PDZD2: variants seen among roughly 807,000 people sequenced by gnomAD.
The protein encoded by PDZD2 is PDZ domain-containing protein 2.
A neutral mutation model predicts 220.7 loss-of-function variants in PDZD2; 90 were observed. That is an observed-to-expected ratio of 0.41 (90% CI 0.34 to 0.49). PDZD2 has a LOEUF of 0.49. Among genes scored for constraint, PDZD2 ranks in the 20% least tolerant of loss-of-function variants. The pLI, the probability that PDZD2 is intolerant of heterozygous loss-of-function variation, is 0.28. For synonymous variants in PDZD2, 1,375 were observed against 1,450.5 expected (o/e 0.95, Z 1.18); for missense variants, 3,174 against 3,608.5 (o/e 0.88, Z 3.08).
chr5:31,912,719 C>T (rs1425735514), intron 2 of PDZD2, among the ~76,000 whole-genome samples: 2 of 152,322 alleles, frequency 1.3e-5, no homozygotes, highest in South Asian at 2.1e-4. Context: ...AGGAAACCCA[C>T]TCCATGGAGG....
intron 2 of PDZD2, among the ~76,000 whole-genome samples, chr5:31,975,526 G>A (rs1749672011): frequency 1.3e-5 from 2 of 152,198 alleles, no homozygotes. Context: ...CCAGATAAGG[G>A]AGAGGAGGGA....
chr5:32,097,921 TG>T (rs567005620), intron 22 of PDZD2, among the ~76,000 whole-genome samples: 2 of 152,288 alleles, frequency 1.3e-5, no homozygotes, highest in Admixed American at 1.3e-4. Context: ...ACTGAATGTA[TG>T]TTTTTTTTTA....
At chr5:31,936,571 A>G (rs1206211748) in intron 2 of PDZD2, among the ~76,000 whole-genome samples, 1 of 152,146 alleles carries the variant, frequency 6.6e-6, no homozygotes, top group East Asian at 1.9e-4. Flanking sequence ...TGCTTTAAAA[A>G]AAAAAAAAGA....
At chr5:31,709,351 G>T (rs1398636643) in intron 1 of PDZD2, among the ~76,000 whole-genome samples, 1 of 151,994 alleles carries the variant, frequency 6.6e-6, no homozygotes, top group Non-Finnish European at 1.5e-5. Context: ...AGCTGGGCAT[G>T]GTGGTGCATG....
At chr5:32,093,099 A>G in intron 21 of PDZD2, 75 bp downstream of exon 21, 1 of 795,360 alleles carries the variant, frequency 1.3e-6, no homozygotes, top group Non-Finnish European at 2.2e-6. Flanking sequence ...GCCTGCCCAG[A>G]CAGCCGAGGA....
At chr5:32,104,565 AAT>A (rs1276598614) in intron 24 of PDZD2, among the ~76,000 whole-genome samples, 2 of 151,248 alleles carry the variant, frequency 1.3e-5, no homozygotes, top group Non-Finnish European at 2.9e-5. Flanking sequence ...CTCTACTAAA[AAT>A]ATGTTAGCTG....
At chr5:31,712,748 G>A (rs983845606) in intron 1 of PDZD2, among the ~76,000 whole-genome samples, 2 of 152,202 alleles carry the variant, frequency 1.3e-5, no homozygotes, top group African/African-American at 2.4e-5. Context: ...GGGAAGTGAC[G>A]TGTGCACAGA....
Position 32,024,698 on chromosome 5 carries a change from GAAA to G in PDZD2, c.1408-12527_1408-12525del, listed in dbSNP as rs5867124. ...ACTTCATCTCAAAAAAAAAAAGAAA[GAAA>G]AAAAAGAAAAGGAAAGAAAGAAACG... On this transcript the variant is annotated intron_variant, in intron 6 of 24. Coordinates refer to ENST00000438447, the MANE Select transcript of PDZD2 (RefSeq NM_178140.4). Among the ~76,000 whole-genome samples the G allele has an allele frequency of 2.1e-5, 3 of 141,302 alleles. 1 individual carries two copies. Among genetic ancestry groups the G allele is most frequent in the Non-Finnish European group, 4.6e-5 (3 of 65,214 alleles). 92.7% of individuals were successfully genotyped at this position (141,302 alleles called of 152,430 possible). A position where few individuals can be genotyped will look rare whatever the true frequency, so the allele number is the denominator to read the frequency against.
At chr5:32,086,123 C>T (rs1742426349) in intron 19 of PDZD2, among the ~76,000 whole-genome samples, 1 of 152,182 alleles carries the variant, frequency 6.6e-6, no homozygotes, top group African/African-American at 2.4e-5. Context: ...CGGTGTAGAC[C>T]TGTATCCCAG....
intron 2 of PDZD2, among the ~76,000 whole-genome samples, chr5:31,889,450 G>A (rs1581002684): frequency 6.6e-6 from 1 of 152,188 alleles, no homozygotes; most frequent in East Asian, 1.9e-4. Flanking sequence ...AGGCCAACAG[G>A]AGGGAAGTGA....
rs1447492840 is a variant in PDZD2 at position 31,868,376 on chromosome 5, T to C, written c.476+68652T>C. On this transcript the variant is annotated intron_variant, in intron 2 of 24. Coordinates refer to ENST00000438447, the MANE Select transcript of PDZD2 (RefSeq NM_178140.4). ...AGGAGAATCGCTTGGGCCTGGGAGG[T>C]GGAGGTTGCAGTAAGCCAAGATCGC... 2.6e-5 allele frequency among the ~76,000 whole-genome samples: 4 copies of C among 151,664 alleles called. No homozygotes were observed. In the South Asian group the frequency reaches 6.3e-4, roughly 24 times the overall value.
intron 1 of PDZD2, among the ~76,000 whole-genome samples, chr5:31,744,798 C>T (rs1046216007): frequency 1.3e-5 from 2 of 152,192 alleles, no homozygotes; most frequent in Non-Finnish European, 2.9e-5. Context: ...TGGCCAGGTG[C>T]AGTGGCTGAC....
intron 2 of PDZD2, among the ~76,000 whole-genome samples, chr5:31,838,651 T>C (rs1444648031): frequency 6.6e-6 from 1 of 152,238 alleles, no homozygotes; most frequent in East Asian, 1.9e-4. Flanking sequence ...CGTTATTTTC[T>C]TCACAAGGCC....
intron 2 of PDZD2, among the ~76,000 whole-genome samples, chr5:31,851,242 A>C (rs1029419093): frequency 2.0e-5 from 3 of 152,148 alleles, no homozygotes; most frequent in Non-Finnish European, 4.4e-5. Flanking sequence ...ACAACCCACC[A>C]GTAAGAGTCT....
At chr5:31,949,884 A>G (rs536165391) in intron 2 of PDZD2, among the ~76,000 whole-genome samples, 3 of 147,960 alleles carry the variant, frequency 2.0e-5, no homozygotes, top group Non-Finnish European at 4.4e-5. Flanking sequence ...GCGTTTCACC[A>G]TGTTGGCCAG....
chr5:31,974,527 A>G (rs1310893041), intron 2 of PDZD2, among the ~76,000 whole-genome samples: 2 of 152,224 alleles, frequency 1.3e-5, no homozygotes, highest in Non-Finnish European at 2.9e-5. Flanking sequence ...CCCATTATAC[A>G]TCGAGAACTA....
intron 1 of PDZD2, among the ~76,000 whole-genome samples, chr5:31,649,278 A>C (rs1745250169): frequency 6.6e-6 from 1 of 151,068 alleles, no homozygotes; most frequent in South Asian, 2.1e-4. Flanking sequence ...GCCCCAGTCC[A>C]CCTCTCCTAT....
In PDZD2 at chr5:32,069,595, C is replaced by A; in HGVS notation, c.2478C>A (p.Val826=). 6.3e-7 allele frequency: 1 copy of A among 1,598,760 alleles called. No individual in the cohort carries two copies. Among genetic ancestry groups the A allele is most frequent in the South Asian group, 1.1e-5 (1 of 90,768 alleles). Residue 826 remains valine (V), a synonymous_variant, in exon 15 of 25, where the codon GTC becomes GTA. Coordinates refer to ENST00000438447, the MANE Select transcript of PDZD2 (RefSeq NM_178140.4). ...TTTCCGAGCAGGAAATGGATGAAGT[C>A]ATAGCACGCAGCACTTATCAGGAGA... is the stretch of plus-strand genomic sequence containing the variant. ...PKVSEQEMDE[V]IARSTYQESK...
At chr5:31,756,054 C>T (rs1751288610) in intron 1 of PDZD2, among the ~76,000 whole-genome samples, 1 of 152,048 alleles carries the variant, frequency 6.6e-6, no homozygotes, top group African/African-American at 2.4e-5. Context: ...CAATTTAGAC[C>T]TCCAGAAATG....
Sources: allele counts gnomAD v4.1 joint callset (sites outside exome capture counted in the v4.1 genomes callset), GRCh38; gene constraint gnomAD v4.1.1; transcripts MANE v1.5; gene names NCBI Gene and HGNC (gene_info 2026-07-23, HGNC 2026-07-21).